Variants in RANBP2 observed in about 807,000 individuals in gnomAD.
RANBP2 encodes E3 SUMO-protein ligase RanBP2.
RANBP2 carries 57 observed loss-of-function variants against 303.6 expected under a neutral mutation model. The observed-to-expected ratio is 0.19, with a 90% confidence interval of 0.15 to 0.23. The LOEUF is 0.23. RANBP2 is among the 10% of genes least tolerant of loss of function. The probability of loss-of-function intolerance (pLI) is 1.00; values close to 1 mark genes in which losing one functional copy is unlikely to be tolerated. For missense variants in RANBP2, 3,138 were observed against 3,780.8 expected, an observed-to-expected ratio of 0.83 and a Z score of 4.46; for synonymous variants, 1,167 against 1,301.5, an observed-to-expected ratio of 0.90 and a Z score of 2.23.
At chr2:109,436,814 G>A in the RANBP2 span, 13 of 1,529,848 alleles carry the variant, frequency 8.5e-6, no homozygotes, top group Admixed American at 2.0e-5. Context: ...GCAGGTCAGA[G>A]CGAGGCTCTG....
At chr2:109,464,767 C>A in the RANBP2 span, among the ~76,000 whole-genome samples, 1 of 152,186 alleles carries the variant, frequency 6.6e-6, no homozygotes, top group East Asian at 1.9e-4. Context: ...TATCAATGGC[C>A]TACACCAAAG....
chr2:108,737,039 C>T (rs1243097639), intron 6 of RANBP2, among the ~76,000 whole-genome samples: 2 of 139,136 alleles, frequency 1.4e-5, no homozygotes, highest in African/African-American at 2.8e-5. Flanking sequence ...CTAGTTTAGG[C>T]TGTCCATGTG....
the RANBP2 span, among the ~76,000 whole-genome samples, chr2:109,097,959 C>T: frequency 5.3e-5 from 8 of 152,258 alleles, no homozygotes; most frequent in South Asian, 1.4e-3. Flanking sequence ...AGTAGGGCTT[C>T]ACCAGTACCA....
At chr2:109,399,080 C>A in the RANBP2 span, 1 of 1,036,408 alleles carries the variant, frequency 9.6e-7, no homozygotes, top group Non-Finnish European at 1.4e-6. Flanking sequence ...GTGGGGTTTG[C>A]CCTTTGCTGC....
the RANBP2 span, among the ~76,000 whole-genome samples, chr2:108,926,456 C>T: frequency 5.2e-4 from 79 of 152,308 alleles, no homozygotes; most frequent in African/African-American, 1.7e-3. Flanking sequence ...TCAGGACTCT[C>T]ATGCCTGTAA....
chr2:108,922,200 C>A, the RANBP2 span, among the ~76,000 whole-genome samples: 1 of 152,238 alleles, frequency 6.6e-6, no homozygotes, highest in Non-Finnish European at 1.5e-5. Context: ...GGCAAAGATG[C>A]TTTTGTGAAT....
the RANBP2 span, among the ~76,000 whole-genome samples, chr2:109,364,209 G>T: frequency 6.6e-6 from 1 of 150,770 alleles, no homozygotes; most frequent in Non-Finnish European, 1.5e-5. Flanking sequence ...CATGGTGGAG[G>T]TTTCTATTGA....
the RANBP2 span, among the ~76,000 whole-genome samples, chr2:109,130,629 T>C: frequency 4.6e-5 from 7 of 152,064 alleles, no homozygotes; most frequent in Non-Finnish European, 1.0e-4. Context: ...ATGCTTCTAG[T>C]AGTCTGGAAG....
the RANBP2 span, among the ~76,000 whole-genome samples, chr2:109,038,486 A>T: frequency 6.6e-6 from 1 of 152,236 alleles, no homozygotes; most frequent in South Asian, 2.1e-4. Flanking sequence ...TACAAAAACT[A>T]GCCAGTCATA....
chr2:108,945,580 C>T, the RANBP2 span, among the ~76,000 whole-genome samples: 1 of 152,038 alleles, frequency 6.6e-6, no homozygotes, highest in African/African-American at 2.4e-5. Flanking sequence ...CCACAAAGAA[C>T]ACCAGGAAAA....
chr2:109,611,958 A>AC, the RANBP2 span, among the ~76,000 whole-genome samples: 2 of 152,126 alleles, frequency 1.3e-5, no homozygotes, highest in Non-Finnish European at 1.5e-5. Flanking sequence ...CTACCATATG[A>AC]CCCAACAATT....
the RANBP2 span, among the ~76,000 whole-genome samples, chr2:109,031,738 G>A: frequency 6.6e-6 from 1 of 152,194 alleles, no homozygotes; most frequent in Admixed American, 6.6e-5. Flanking sequence ...GGGCGCCGGC[G>A]AGACCTGCGC....
the RANBP2 span, among the ~76,000 whole-genome samples, chr2:108,898,948 A>G: frequency 1.3e-5 from 2 of 152,202 alleles, no homozygotes; most frequent in Admixed American, 1.3e-4. Flanking sequence ...CAGAAGAGCT[A>G]ACATTTGTGT....
chr2:109,046,364 A>G, the RANBP2 span, among the ~76,000 whole-genome samples: 1 of 146,314 alleles, frequency 6.8e-6, no homozygotes, highest in Non-Finnish European at 1.5e-5. Context: ...GATCTGGGTA[A>G]CTGCTTTTTT....
the RANBP2 span, among the ~76,000 whole-genome samples, chr2:108,965,405 C>T: frequency 4.6e-3 from 678 of 147,152 alleles, 10 homozygotes; most frequent in African/African-American, 0.016. Context: ...GGCATGAACC[C>T]GGGAGGCCGA....
the RANBP2 span, among the ~76,000 whole-genome samples, chr2:108,834,758 C>T: frequency 1.5e-3 from 223 of 152,304 alleles, 3 homozygotes; most frequent in African/African-American, 5.1e-3. Flanking sequence ...TCTTCCCATT[C>T]CTCCCTCCCC....
chr2:109,199,587 T>TCAACGCGAGTGCAGG, the RANBP2 span, among the ~76,000 whole-genome samples: 1 of 978 alleles, frequency 1.0e-3, no homozygotes, highest in Non-Finnish European at 2.3e-3. Flanking sequence ...TGGAATGGAA[T>TCAACGCGAGTGCAGG]GGAATGGAAT....
chr2:109,575,823 C>A, the RANBP2 span, among the ~76,000 whole-genome samples: 23 of 152,308 alleles, frequency 1.5e-4, no homozygotes, highest in Middle Eastern at 3.4e-3. Flanking sequence ...AAATTAAATT[C>A]TTCTATAAAG....
At chr2:109,671,259 G>A in the RANBP2 span, among the ~76,000 whole-genome samples, 13 of 152,194 alleles carry the variant, frequency 8.5e-5, no homozygotes, top group Admixed American at 1.3e-4. Context: ...AGAGACTGTA[G>A]CATGCCAGAG....
Sources: allele counts gnomAD v4.1 joint callset (sites outside exome capture counted in the v4.1 genomes callset), GRCh38; gene constraint gnomAD v4.1.1; transcripts MANE v1.5; gene names NCBI Gene and HGNC (gene_info 2026-07-23, HGNC 2026-07-21).